ATXN1: variants seen among roughly 807,000 people sequenced by gnomAD.
ATXN1 encodes the protein ataxin-1.
ATXN1 carries 8 observed loss-of-function variants against 56.4 expected under a neutral mutation model. The ratio of observed to expected loss-of-function variants is 0.14; its 90% CI spans 0.08 to 0.26. The LOEUF is 0.26. Ranked by LOEUF, ATXN1 falls within the 10% of genes least tolerant of loss-of-function variation. The pLI is 1.00. For missense variants in ATXN1, 987 were observed against 1,106.5 expected, an observed-to-expected ratio of 0.89 and a Z score of 1.53; for synonymous variants, 514 against 494.6, an observed-to-expected ratio of 1.04 and a Z score of -0.52.
chr6:16,656,489 G>T (rs1404197255), intron 3 of ATXN1, among the ~76,000 whole-genome samples: 3 of 148,578 alleles, frequency 2.0e-5, no homozygotes, highest in African/African-American at 5.3e-5. Flanking sequence ...TATCATGAAC[G>T]GGGTTGATAA....
chr6:16,386,961 C>T (rs908117486), intron 6 of ATXN1, among the ~76,000 whole-genome samples: 1 of 152,200 alleles, frequency 6.6e-6, no homozygotes, highest in African/African-American at 2.4e-5. Flanking sequence ...CGTGAACTAC[C>T]GTGCCCAGCC....
chr6:16,568,458 C>T (rs1179027522), intron 4 of ATXN1, among the ~76,000 whole-genome samples: 1 of 152,154 alleles, frequency 6.6e-6, no homozygotes, highest in Non-Finnish European at 1.5e-5. Context: ...ATTTGTAAGT[C>T]ATTTATTTGA....
intron 3 of ATXN1, among the ~76,000 whole-genome samples, chr6:16,593,373 A>G (rs1355784355): frequency 6.6e-6 from 1 of 152,218 alleles, no homozygotes; most frequent in Non-Finnish European, 1.5e-5. Context: ...GATGGAAAAA[A>G]CAAGCCATAA....
At chr6:16,453,604 A>T (rs914347519) in intron 6 of ATXN1, among the ~76,000 whole-genome samples, 1 of 152,176 alleles carries the variant, frequency 6.6e-6, no homozygotes, top group Admixed American at 6.5e-5. Flanking sequence ...CATCATCATC[A>T]TCTTCACCTG....
At chr6:16,731,027 A>G (rs1759964108) in intron 2 of ATXN1, among the ~76,000 whole-genome samples, 7 of 152,204 alleles carry the variant, frequency 4.6e-5, no homozygotes, top group Admixed American at 4.6e-4. Context: ...ACAATTTCAC[A>G]TTCCTGGACC....
intron 2 of ATXN1, among the ~76,000 whole-genome samples, chr6:16,701,270 T>C (rs1759277667): frequency 6.6e-6 from 1 of 152,236 alleles, no homozygotes; most frequent in Admixed American, 6.5e-5. Context: ...GCCCAGGGAA[T>C]GGCGCTCAGG....
intron 6 of ATXN1, among the ~76,000 whole-genome samples, chr6:16,404,781 G>T (rs758579759): frequency 5.9e-5 from 9 of 152,004 alleles, no homozygotes; most frequent in South Asian, 2.1e-4. Flanking sequence ...CTCTTTAGTG[G>T]CCGGATCTCA....
At chr6:16,325,533 C>A (rs1406572620) in intron 7 of ATXN1, among the ~76,000 whole-genome samples, 3 of 152,098 alleles carry the variant, frequency 2.0e-5, no homozygotes, top group Non-Finnish European at 4.4e-5. Flanking sequence ...GTTTACCCTG[C>A]CTCCCATGAA....
At chr6:16,345,194 A>G (rs1168904331) in intron 6 of ATXN1, among the ~76,000 whole-genome samples, 1 of 152,196 alleles carries the variant, frequency 6.6e-6, no homozygotes, top group East Asian at 1.9e-4. Flanking sequence ...GGTATCTGCA[A>G]AGAATCTGCC....
At position 16,306,792 on chromosome 6, in the gene ATXN1, G is replaced by A; in HGVS notation, c.1985C>T (p.Pro662Leu). The change falls in exon 8 of 8, where the codon CCG becomes CTG. Residue 662 changes from proline to leucine, a missense_variant. Physicochemically the swap from Pro to Leu is moderately conservative, Grantham distance 98. Around this residue, in one of 3 missense-constraint regions of ATXN1, gnomAD observed 196 missense variants for 196.7 expected, o/e 1.00. Coordinates refer to ENST00000436367, the MANE Select transcript of ATXN1 (RefSeq NM_001128164.2). This position sits in a 1 kb window ranked among gnomAD's most constrained non-coding sequence, Gnocchi z 5.2. The stretch of plus-strand genomic sequence containing the variant: ...ATCAAAGAGCTGGCTGGTTCTCTCC[G>A]GACAGCAGGATGACCAGCCCTGTCC... The part of the protein sequence containing the change: ...VFGQGWSSCC[P>L]ERTSQLFDLP... The A allele has an allele frequency of 6.2e-7, 1 of 1,613,996 alleles. No individual in the cohort carries two copies. Among genetic ancestry groups the A allele is most frequent in the Non-Finnish European group, 8.5e-7 (1 of 1,180,000 alleles).
chr6:16,390,292 G>T (rs921677556), intron 6 of ATXN1, among the ~76,000 whole-genome samples: 1 of 152,110 alleles, frequency 6.6e-6, no homozygotes, highest in African/African-American at 2.4e-5. Flanking sequence ...CATGTTTTCA[G>T]TATCTGTTGT....
At chr6:16,696,760 G>C (rs570455595) in intron 2 of ATXN1, among the ~76,000 whole-genome samples, 1 of 152,172 alleles carries the variant, frequency 6.6e-6, no homozygotes, top group Non-Finnish European at 1.5e-5. Context: ...GGTTAGTGCT[G>C]TCATAAAGCC....
At chr6:16,671,291 G>A (rs1212473566) in intron 2 of ATXN1, among the ~76,000 whole-genome samples, 1 of 140,138 alleles carries the variant, frequency 7.1e-6, no homozygotes, top group African/African-American at 2.8e-5. Flanking sequence ...GTACACAATT[G>A]GCACTTTTCT....
intron 6 of ATXN1, among the ~76,000 whole-genome samples, chr6:16,448,355 C>A (rs1759675682): frequency 6.6e-6 from 1 of 152,192 alleles, no homozygotes; most frequent in Admixed American, 6.5e-5. Flanking sequence ...TCCCTCGCCC[C>A]TCTGATTCTT....
intron 2 of ATXN1, among the ~76,000 whole-genome samples, chr6:16,662,264 T>C (rs1758334646): frequency 6.6e-6 from 1 of 152,210 alleles, no homozygotes; most frequent in African/African-American, 2.4e-5. Context: ...AAATTTGACT[T>C]TCCACTGTAG....
intron 3 of ATXN1, among the ~76,000 whole-genome samples, chr6:16,603,099 G>A (rs1251064703): frequency 2.6e-5 from 4 of 152,182 alleles, no homozygotes; most frequent in Non-Finnish European, 4.4e-5. Flanking sequence ...GATTGACCCA[G>A]CCACCTCTGC....
chr6:16,682,689 A>G (rs3812195), intron 2 of ATXN1, among the ~76,000 whole-genome samples: 49,810 of 152,108 alleles, frequency 0.33, 8,263 homozygotes, highest in Non-Finnish European at 0.35. Flanking sequence ...TTTAAAGTAC[A>G]TGTGCAAGGG....
At chr6:16,568,606 G>A (rs538575835) in intron 4 of ATXN1, among the ~76,000 whole-genome samples, 3 of 152,170 alleles carry the variant, frequency 2.0e-5, no homozygotes, top group African/African-American at 7.2e-5. Context: ...AAGAAATCAT[G>A]AGGAGGTGGG....
intron 6 of ATXN1, among the ~76,000 whole-genome samples, chr6:16,389,367 A>G (rs2113519010): frequency 6.6e-6 from 1 of 152,182 alleles, no homozygotes; most frequent in South Asian, 2.1e-4. Context: ...AAAGGAAAGA[A>G]AAAGATGATA....
Sources: allele counts gnomAD v4.1 joint callset (sites outside exome capture counted in the v4.1 genomes callset), GRCh38; gene constraint gnomAD v4.1.1; regional missense constraint gnomAD v4.1.1; non-coding constraint Gnocchi (gnomAD v3.1); transcripts MANE v1.5; gene names NCBI Gene and HGNC (gene_info 2026-07-23, HGNC 2026-07-21).